The following STPG2 variants were observed in gnomAD, a reference collection of about 807,000 sequenced individuals.
STPG2 encodes sperm-tail PG-rich repeat-containing protein 2.
A neutral mutation model predicts 54.2 loss-of-function variants in STPG2; 56 were observed. The ratio of observed to expected loss-of-function variants is 1.03; its 90% confidence interval spans 0.83 to 1.29. The LOEUF (loss-of-function observed/expected upper bound fraction) is 1.29. Ranked by LOEUF, STPG2 falls within the 50% of genes most tolerant of loss-of-function variation. STPG2 has a pLI of 0.00. For synonymous variants in STPG2, 200 were observed against 181.8 expected, an observed-to-expected ratio of 1.10 and a Z score of -0.81; for missense variants, 596 against 544.9, an observed-to-expected ratio of 1.09 and a Z score of -0.93.
At chr4:97,519,345 T>C (rs1326094291) in intron 4 of STPG2, among the ~76,000 whole-genome samples, 1 of 152,000 alleles carries the variant, frequency 6.6e-6, no homozygotes, top group Non-Finnish European at 1.5e-5. Flanking sequence ...CCCATCTGCT[T>C]GCCCTGGAAG....
chr4:97,781,486 G>A (rs142584159), intron 9 of STPG2, among the ~76,000 whole-genome samples: 2,777 of 152,182 alleles, frequency 0.018, 78 homozygotes, highest in African/African-American at 0.063. Flanking sequence ...ATTCACAGCC[G>A]AATTCTACCA....
At chr4:97,752,535 T>C (rs968257772) in intron 9 of STPG2, among the ~76,000 whole-genome samples, 1 of 151,798 alleles carries the variant, frequency 6.6e-6, no homozygotes, top group Non-Finnish European at 1.5e-5. Flanking sequence ...ATCACCTCTC[T>C]GCTTTAGCAC....
At position 97,943,937 on chromosome 4, in the gene STPG2, A is replaced by G; in HGVS notation, c.1004T>C (p.Phe335Ser). Residue 335 changes from phenylalanine (F) to serine (S), a missense_variant, in exon 8 of 11, where the codon TTC becomes TCC. Coordinates refer to ENST00000295268, the MANE Select transcript of STPG2 (RefSeq NM_174952.3). ...LPNLTNKYAA[F>S]LSRAKRTMKV... ...CATAGTTCTTTTGGCTCTTGACAAG[A>G]AAGCAGCATATTTGTTAGTCAAGTT... 3 of 1,594,662 alleles carry G rather than the reference A, an allele frequency of 1.9e-6. No homozygotes were observed. Among genetic ancestry groups the G allele is most frequent in the Non-Finnish European group, 2.6e-6 (3 of 1,174,286 alleles).
chr4:97,581,074 C>A (rs1234151751), intron 10 of STPG2, among the ~76,000 whole-genome samples: 2 of 151,968 alleles, frequency 1.3e-5, no homozygotes, highest in Non-Finnish European at 2.9e-5. Flanking sequence ...CACTCTAGAG[C>A]TGTGGTGTCT....
downstream of STPG2, among the ~76,000 whole-genome samples, chr4:97,557,061 G>A (rs1168956185): frequency 1.3e-5 from 2 of 152,004 alleles, no homozygotes; most frequent in African/African-American, 4.8e-5. Context: ...CACGCCTGTA[G>A]TCCCAGCTAC....
chr4:98,126,857 A>C (rs1739846324), intron 3 of STPG2, among the ~76,000 whole-genome samples: 1 of 152,052 alleles, frequency 6.6e-6, no homozygotes, highest in Non-Finnish European at 1.5e-5. Context: ...AAATGTTAAC[A>C]CCTGCAGGAT....
chr4:97,665,201 A>T (rs1284163776), intron 10 of STPG2, among the ~76,000 whole-genome samples: 1 of 152,188 alleles, frequency 6.6e-6, no homozygotes, highest in African/African-American at 2.4e-5. Flanking sequence ...TGCCTGCAAC[A>T]TGGCAAGCAA....
chr4:98,053,662 A>G (rs1737397876), intron 5 of STPG2, among the ~76,000 whole-genome samples: 1 of 152,142 alleles, frequency 6.6e-6, no homozygotes, highest in African/African-American at 2.4e-5. Context: ...TAGATGACCA[A>G]TAATTTTATC....
At chr4:97,853,042 T>A (rs1347465065) in intron 8 of STPG2, among the ~76,000 whole-genome samples, 2 of 137,554 alleles carry the variant, frequency 1.5e-5, no homozygotes, top group Admixed American at 7.9e-5. Flanking sequence ...AGTGGAGCGA[T>A]CTCGGCTCAC....
chr4:97,863,888 C>A (rs915780885), intron 8 of STPG2, among the ~76,000 whole-genome samples: 1 of 151,842 alleles, frequency 6.6e-6, no homozygotes, highest in African/African-American at 2.4e-5. Flanking sequence ...AGGCCTTTGA[C>A]AAAATTCAGC....
intron 9 of STPG2, among the ~76,000 whole-genome samples, chr4:97,818,709 C>G (rs974220757): frequency 2.0e-5 from 3 of 151,776 alleles, no homozygotes; most frequent in African/African-American, 7.2e-5. Context: ...CATCAGTTTT[C>G]TCCTCCCCAC....
At chr4:97,451,543 A>G (rs1367135598) in intron 4 of STPG2, among the ~76,000 whole-genome samples, 1 of 152,188 alleles carries the variant, frequency 6.6e-6, no homozygotes, top group East Asian at 1.9e-4. Flanking sequence ...ATTCAAAACT[A>G]TTTAAAGACA....
rs138982823 is a variant in STPG2 at position 97,852,882 on chromosome 4, C to T, written c.1045-11950G>A. Among the ~76,000 whole-genome samples, 395 of 149,910 alleles carry T rather than the reference C, an allele frequency of 2.6e-3. 3 individuals are homozygous for T. Among genetic ancestry groups the T allele is most frequent in the African/African-American group, 9.1e-3 (369 of 40,726 alleles). On this transcript the variant is annotated intron_variant, in intron 8 of 10. Coordinates refer to ENST00000295268, the MANE Select transcript of STPG2 (RefSeq NM_174952.3). ...ATGTTATGACACATAGATTGTAGAT[C>T]TCAATAGAAAAAGGCAAATTGCACA...
At chr4:97,675,255 G>A (rs574803438) in intron 10 of STPG2, among the ~76,000 whole-genome samples, 11 of 151,968 alleles carry the variant, frequency 7.2e-5, no homozygotes, top group Non-Finnish European at 1.3e-4. Context: ...CACCCGCCTC[G>A]GCCTCCCAAA....
chr4:98,026,294 C>A, intron 5 of STPG2: 1 of 688,540 alleles, frequency 1.5e-6, no homozygotes, highest in Non-Finnish European at 2.5e-6. Flanking sequence ...TGAAGATTTT[C>A]AGATAAAGAC....
At chr4:97,725,419 AG>A (rs1724589763) in intron 9 of STPG2, among the ~76,000 whole-genome samples, 1 of 151,994 alleles carries the variant, frequency 6.6e-6, no homozygotes, top group African/African-American at 2.4e-5. Flanking sequence ...CTGACCCTGA[AG>A]AAAAAAAAAT....
At chr4:98,107,755 G>C (rs766625870) in intron 4 of STPG2, among the ~76,000 whole-genome samples, 10 of 145,700 alleles carry the variant, frequency 6.9e-5, no homozygotes, top group Non-Finnish European at 1.2e-4. Flanking sequence ...CAATAAAACT[G>C]AGAAGAGGGG....
intron 10 of STPG2, among the ~76,000 whole-genome samples, chr4:97,697,906 C>T (rs1489778479): frequency 3.3e-5 from 5 of 152,184 alleles, no homozygotes; most frequent in Admixed American, 6.5e-5. Context: ...CTTTTCTTCT[C>T]GTGAGGAATG....
chr4:97,546,739 A>G (rs1388086226), intron 4 of STPG2, among the ~76,000 whole-genome samples: 1 of 152,212 alleles, frequency 6.6e-6, no homozygotes, highest in African/African-American at 2.4e-5. Context: ...GATATCATTG[A>G]AAAGCTGAAA....
Sources: gnomAD v4.1 joint callset for allele counts (sites outside exome capture counted in the v4.1 genomes callset) on GRCh38, gnomAD v4.1.1 for gene constraint, MANE v1.5 for transcripts, NCBI Gene and HGNC (gene_info 2026-07-23, HGNC 2026-07-21) for gene names.